The following PIEZO2 variants were observed in gnomAD, a reference collection of about 807,000 sequenced individuals.
PIEZO2 encodes the protein piezo-type mechanosensitive ion channel component 2.
PIEZO2 carries 172 observed loss-of-function variants against 337.3 expected under a neutral mutation model. The ratio of observed to expected loss-of-function variants is 0.51; its 90% CI spans 0.45 to 0.58. The LOEUF (loss-of-function observed/expected upper bound fraction) is 0.58. PIEZO2 is among the 20% of genes least tolerant of loss of function. The pLI is 0.00. For missense variants in PIEZO2, 3,028 were observed against 3,391.3 expected (o/e 0.89, Z 2.66); for synonymous variants, 1,251 against 1,228.5 (o/e 1.02, Z -0.38).
At position 11,003,706 on chromosome 18, in the gene PIEZO2, G is replaced by A. The variant is rs948458207; in HGVS notation, c.161-24046C>T. Among the ~76,000 whole-genome samples, 1 of 152,162 alleles carries A rather than the reference G, an allele frequency of 6.6e-6. No individual in the cohort carries two copies. The highest frequency in any genetic ancestry group is 2.4e-5 in the African/African-American group (1 of 41,444). Reference sequence around the variant, plus strand: ...ATACTAGCACACAGACTGGGACCATGTGGACACACCAATTTACCTAACATG... The same window carrying A: ...ATACTAGCACACAGACTGGGACCATATGGACACACCAATTTACCTAACATG... On this transcript the variant is annotated intron_variant, in intron 2 of 55. Coordinates refer to ENST00000674853, the MANE Select transcript of PIEZO2 (RefSeq NM_001378183.1). The surrounding 1 kb of genome is among the most constrained non-coding windows in gnomAD (Gnocchi z 4.6).
rs2033364192 is a variant in PIEZO2 at position 10,952,913 on chromosome 18, T to C, written c.286+26622A>G. ...ATCCCTCCCTCCATCCCTCCCTCCC[T>C]CCTTCCTTCCTTCTTTTTTTCATTC... is the stretch of plus-strand genomic sequence containing the variant. On this transcript the variant is annotated intron_variant, in intron 3 of 55. Transcript: ENST00000674853. The surrounding 1 kb of genome is among the most constrained non-coding windows in gnomAD (Gnocchi z 4.1). 6.7e-6 allele frequency among the ~76,000 whole-genome samples: 1 copy of C among 148,926 alleles called. No individual in the cohort carries two copies. Among genetic ancestry groups the C allele is most frequent in the African/African-American group, 2.5e-5 (1 of 40,726 alleles).
Position 10,677,655 on chromosome 18 carries a change from G to T in PIEZO2, c.8081+92C>A. On this transcript the variant is annotated intron_variant, in intron 53 of 55. Transcript: ENST00000674853. The surrounding 1 kb of genome is among the most constrained non-coding windows in gnomAD (Gnocchi z 4.1). ...CTTTGTGTTACCAAAGAATGAAGTT[G>T]CATTCCTCATACACATGAATCTGTA... 2.1e-6 allele frequency: 3 copies of T among 1,400,074 alleles called. No homozygotes were observed. The highest frequency in any genetic ancestry group is 2.0e-6 in the Non-Finnish European group (2 of 1,020,536). The allele number at this position is 1,400,074 out of a possible 1,614,324, so 86.7% of individuals were successfully genotyped here. A position where few individuals can be genotyped will look rare whatever the true frequency, so the allele number is the denominator to read the frequency against.
Position 10,759,268 on chromosome 18 carries a change from A to C in PIEZO2, c.3757+214T>G, listed in dbSNP as rs1485170705. Reference sequence around the variant, plus strand: ...TGGGGGAAGTGAAATTATGCAAGTGAATATGGCATTTCCAACACTGATTTA... The same window carrying C: ...TGGGGGAAGTGAAATTATGCAAGTGCATATGGCATTTCCAACACTGATTTA... On this transcript the variant is annotated intron_variant, in intron 26 of 55. Transcript: ENST00000674853. This position sits in a 1 kb window ranked among gnomAD's most constrained non-coding sequence, Gnocchi z 5.5. Among the ~76,000 whole-genome samples, 1 of 151,978 alleles carries C rather than the reference A, an allele frequency of 6.6e-6. No homozygotes were observed.
At position 10,746,152 on chromosome 18, in the gene PIEZO2, C is replaced by T. The variant is rs1187743730; in HGVS notation, c.4425-1921G>A. Among the ~76,000 whole-genome samples the T allele has an allele frequency of 2.0e-5, 3 of 152,194 alleles. No homozygotes were observed. Among genetic ancestry groups the T allele is most frequent in the African/African-American group, 7.2e-5 (3 of 41,444 alleles). ...CTCTGCCTACAGCGCTGCCTATACCCATCTATTCTCCATACCACAAACAGA... is the reference window on the plus strand; with the variant it reads ...CTCTGCCTACAGCGCTGCCTATACCTATCTATTCTCCATACCACAAACAGA... On this transcript the variant is annotated intron_variant, in intron 30 of 55. Transcript: ENST00000674853. The surrounding 1 kb of genome is among the most constrained non-coding windows in gnomAD (Gnocchi z 4.2).
intron 1 of PIEZO2, among the ~76,000 whole-genome samples, chr18:11,144,985 C>A (rs970014824): frequency 1.1e-4 from 17 of 152,154 alleles, no homozygotes; most frequent in Non-Finnish European, 2.1e-4. Context: ...AAATCATATA[C>A]CTAAAGACGG....
intron 3 of PIEZO2, among the ~76,000 whole-genome samples, chr18:10,955,402 A>G (rs768654570): frequency 6.6e-6 from 1 of 152,166 alleles, no homozygotes; most frequent in Non-Finnish European, 1.5e-5. Context: ...TTTCTTGGTT[A>G]CCTGTTATCT....
At chr18:11,065,301 T>C (rs942926308) in intron 2 of PIEZO2, among the ~76,000 whole-genome samples, 5 of 152,238 alleles carry the variant, frequency 3.3e-5, no homozygotes, top group Non-Finnish European at 4.4e-5. Flanking sequence ...GTCAAACAAC[T>C]TCCTTTTCCT....
intron 16 of PIEZO2, among the ~76,000 whole-genome samples, chr18:10,786,219 TCA>T (rs1234974688): frequency 6.6e-6 from 1 of 152,242 alleles, no homozygotes; most frequent in Non-Finnish European, 1.5e-5. Flanking sequence ...CACAGACCTG[TCA>T]CAAAGTATAA....
At chr18:11,007,165 T>G (rs1204158357) in intron 2 of PIEZO2, among the ~76,000 whole-genome samples, 1 of 152,192 alleles carries the variant, frequency 6.6e-6, no homozygotes, top group East Asian at 1.9e-4. Context: ...CTTCTATCAT[T>G]TAGAAGATGA....
At chr18:10,754,470 C>T (rs1456814867) in intron 27 of PIEZO2, among the ~76,000 whole-genome samples, 2 of 152,182 alleles carry the variant, frequency 1.3e-5, no homozygotes, top group Non-Finnish European at 2.9e-5. Context: ...TCTGGCAGTC[C>T]TCATTGAGAA....
intron 7 of PIEZO2, among the ~76,000 whole-genome samples, chr18:10,809,418 G>A (rs764463263): frequency 1.2e-4 from 18 of 151,538 alleles, no homozygotes; most frequent in Non-Finnish European, 2.2e-4. Flanking sequence ...CCACAGGTGC[G>A]CACCACCATG....
chr18:11,073,352 A>T (rs979748776), intron 1 of PIEZO2, among the ~76,000 whole-genome samples: 3 of 152,200 alleles, frequency 2.0e-5, no homozygotes, highest in Non-Finnish European at 4.4e-5. Context: ...CCACTGCCAC[A>T]GCTAAGCTAC....
In PIEZO2 at chr18:11,148,962, G is replaced by C. The variant is rs1327429841; in HGVS notation, c.-374C>G. 2.6e-5 allele frequency among the ~76,000 whole-genome samples: 4 copies of C among 151,938 alleles called. No individual in the cohort carries two copies. Among genetic ancestry groups the C allele is most frequent in the Middle Eastern group, 3.2e-3 (1 of 316 alleles). On this transcript the variant is annotated 5_prime_UTR_variant, in exon 1 of 56. Coordinates refer to ENST00000674853, the MANE Select transcript of PIEZO2 (RefSeq NM_001378183.1). This position sits in a 1 kb window ranked among gnomAD's most constrained non-coding sequence, Gnocchi z 5.2. ...TTGGGAGGGTCCTGGGAGGCGGCGC[G>C]GCGAGCAAAGGGGGCAAGAAGGGCG... is the stretch of plus-strand genomic sequence containing the variant.
At chr18:10,733,935 C>T (rs1487480465) in intron 35 of PIEZO2, among the ~76,000 whole-genome samples, 4 of 152,108 alleles carry the variant, frequency 2.6e-5, no homozygotes, top group Non-Finnish European at 5.9e-5. Flanking sequence ...TAAATTTTAC[C>T]ATATATATCA....
rs376771025 is a variant in PIEZO2, at chr18:10,932,653, T to C, written c.287-21425A>G. 5.3e-5 allele frequency among the ~76,000 whole-genome samples: 8 copies of C among 152,286 alleles called. No individual in the cohort carries two copies. In the East Asian group the frequency reaches 1.5e-3, roughly 29 times the overall value. On this transcript the variant is annotated intron_variant, in intron 3 of 55. Transcript: ENST00000674853. ...AAAGAAAAGGAAAAGCCAGGCGTGG[T>C]GGCTCAAGCCTGTAATCCCAGCACT... is the stretch of plus-strand genomic sequence containing the variant.
chr18:10,698,369 A>T (rs1106779), intron 44 of PIEZO2, among the ~76,000 whole-genome samples: 1 of 152,144 alleles, frequency 6.6e-6, no homozygotes, highest in South Asian at 2.1e-4. Flanking sequence ...TAAAAGCTTC[A>T]GACAGGAGCC....
intron 2 of PIEZO2, among the ~76,000 whole-genome samples, chr18:10,994,819 C>T (rs1464901226): frequency 3.3e-5 from 5 of 151,912 alleles, no homozygotes; most frequent in East Asian, 3.9e-4. Flanking sequence ...CAGTAGCTCA[C>T]GCCTGTAATC....
chr18:10,686,953 C>T (rs1054288287), intron 49 of PIEZO2, among the ~76,000 whole-genome samples: 27 of 152,102 alleles, frequency 1.8e-4, no homozygotes, highest in African/African-American at 5.3e-4. Context: ...GACCTAGGAA[C>T]CAAGATAAAA....
At position 10,724,667 on chromosome 18, in the gene PIEZO2, C is replaced by T; in HGVS notation, c.5030-6408G>A. On this transcript the variant is annotated intron_variant, in intron 36 of 55. Coordinates refer to ENST00000674853, the MANE Select transcript of PIEZO2 (RefSeq NM_001378183.1). The surrounding 1 kb of genome is among the most constrained non-coding windows in gnomAD (Gnocchi z 5.8). ...GCGTATGATCAGGCACCCACCAGCC[C>T]ACCTACCAGTCTGCTGTCCCTGCGT... is the stretch of plus-strand genomic sequence containing the variant. 1 of 891,998 alleles carries T rather than the reference C, an allele frequency of 1.1e-6. No individual in the cohort carries two copies. Among genetic ancestry groups the T allele is most frequent in the South Asian group, 1.7e-5 (1 of 59,896 alleles). The allele number at this position is 891,998 out of a possible 1,614,324, so 55.3% of individuals were successfully genotyped here.
Sources: gnomAD v4.1 joint callset for allele counts (sites outside exome capture counted in the v4.1 genomes callset) on GRCh38, gnomAD v4.1.1 for gene constraint, Gnocchi (gnomAD v3.1) non-coding constraint, MANE v1.5 for transcripts, NCBI Gene and HGNC (gene_info 2026-07-23, HGNC 2026-07-21) for gene names.